The following FKBP6 variants were observed in gnomAD, a reference collection of about 807,000 sequenced individuals.
FKBP6 encodes the protein FKBP prolyl isomerase family member 6 (inactive).
Under a neutral mutation model 41.7 loss-of-function variants are expected in FKBP6, and 29 were observed. The observed-to-expected ratio is 0.70, with a 90% CI of 0.52 to 0.95. The LOEUF (loss-of-function observed/expected upper bound fraction) is 0.95, where lower values mean the gene tolerates loss of function less well. Ranked by LOEUF, FKBP6 falls within the 40% of genes least tolerant of loss-of-function variation. FKBP6 has a pLI of 0.00. For missense variants in FKBP6, 338 were observed against 408.7 expected (o/e 0.83, Z 1.49); for synonymous variants, 130 against 165.1 (o/e 0.79, Z 1.63).
chr7:73,330,178 C>T lies in FKBP6; in HGVS notation c.294C>T (p.Gly98=). 6.2e-7 allele frequency: 1 copy of T among 1,613,858 alleles called. No homozygotes were observed. Among genetic ancestry groups the T allele is most frequent in the East Asian group, 2.2e-5 (1 of 44,888 alleles). ...EDITLWGMEL[G]LLSMRRGELA... ...TTACACTGTGGGGCATGGAGCTGGG[C>T]CTTCTGAGCATGCGGAGAGGAGAGC... The change falls in exon 4 of 9, where the codon GGC becomes GGT. Residue 98 remains glycine (G), a synonymous_variant. Transcript: ENST00000252037.
At chr7:73,351,903 T>C (rs1000207468) in intron 8 of FKBP6, among the ~76,000 whole-genome samples, 3 of 152,246 alleles carry the variant, frequency 2.0e-5, no homozygotes, top group Non-Finnish European at 4.4e-5. Flanking sequence ...CATCTCTTGC[T>C]ATGACATTAG....
At chr7:73,345,671 C>T (rs1479990669) in intron 8 of FKBP6, among the ~76,000 whole-genome samples, 1 of 152,184 alleles carries the variant, frequency 6.6e-6, no homozygotes, top group South Asian at 2.1e-4. Flanking sequence ...GGTTAACATA[C>T]AACAGGTGAA....
At chr7:73,328,753 AG>A in intron 2 of FKBP6, 61 bp downstream of exon 2, 1 of 1,611,510 alleles carries the variant, frequency 6.2e-7, no homozygotes. Context: ...GGGAAGAGAG[AG>A]GCCTCATTTT....
At chr7:73,328,841 C>A in intron 2 of FKBP6, 149 bp downstream of exon 2, 1 of 1,399,582 alleles carries the variant, frequency 7.1e-7, no homozygotes, top group Non-Finnish European at 1.0e-6. Flanking sequence ...CGGGGTCTTG[C>A]TCAGTTGCCC....
At chr7:73,328,939 G>A (rs1554546947) in intron 2 of FKBP6, among the ~76,000 whole-genome samples, 1 of 151,908 alleles carries the variant, frequency 6.6e-6, no homozygotes, top group African/African-American at 2.4e-5. Context: ...CCCAAATAAG[G>A]GATTTACAGG....
chr7:73,335,856 G>C (rs1804991133), intron 5 of FKBP6, among the ~76,000 whole-genome samples: 1 of 152,148 alleles, frequency 6.6e-6, no homozygotes. Context: ...TAGTCCCTTA[G>C]GGTTGGAGAA....
chr7:73,351,384 T>C (rs536558878), intron 8 of FKBP6, among the ~76,000 whole-genome samples: 21 of 152,236 alleles, frequency 1.4e-4, no homozygotes, highest in Admixed American at 5.9e-4. Context: ...CTTTTTTTTT[T>C]CCCCTCCTCT....
intron 8 of FKBP6, among the ~76,000 whole-genome samples, chr7:73,354,080 T>C (rs1583826741): frequency 6.6e-6 from 1 of 152,158 alleles, no homozygotes; most frequent in Non-Finnish European, 1.5e-5. Context: ...TGGCAGCTGG[T>C]GGTGGTGAGC....
intron 8 of FKBP6, among the ~76,000 whole-genome samples, chr7:73,354,860 G>A (rs957437804): frequency 6.6e-6 from 1 of 152,190 alleles, no homozygotes; most frequent in Admixed American, 6.5e-5. Context: ...ACAGGGAAGT[G>A]CTTGAGGCTG....
At chr7:73,333,215 G>A in intron 5 of FKBP6, among the ~76,000 whole-genome samples, 1 of 151,214 alleles carries the variant, frequency 6.6e-6, no homozygotes, top group East Asian at 1.9e-4. Flanking sequence ...AGGTTGCAAT[G>A]AGCCAAGATC....
intron 6 of FKBP6, 85 bp downstream of exon 6, chr7:73,340,917 C>CTTTTTTT (rs368227645): frequency 6.2e-6 from 3 of 482,520 alleles, no homozygotes; most frequent in Middle Eastern, 6.0e-4. Flanking sequence ...AAAATGCTGT[C>CTTTTTTT]TTTTTTTTTT....
chr7:73,331,874 TG>T, intron 5 of FKBP6, 98 bp downstream of exon 5: 1 of 1,342,680 alleles, frequency 7.4e-7, no homozygotes, highest in Non-Finnish European at 1.1e-6. Flanking sequence ...TGTTTTGTTT[TG>T]TTTTTGAGAC....
At chr7:73,351,694 C>T (rs976169415) in intron 8 of FKBP6, among the ~76,000 whole-genome samples, 4 of 152,132 alleles carry the variant, frequency 2.6e-5, no homozygotes, top group African/African-American at 9.7e-5. Flanking sequence ...TCTTGGCAGC[C>T]GTAATAGGCC....
chr7:73,336,891 C>T (rs1382566681), intron 5 of FKBP6: 16 of 444,348 alleles, frequency 3.6e-5, no homozygotes, highest in East Asian at 1.4e-4. Context: ...GACTTGATGA[C>T]GTTGTATATG....
chr7:73,339,934 A>G (rs1419319436), intron 5 of FKBP6, among the ~76,000 whole-genome samples: 2 of 152,152 alleles, frequency 1.3e-5, no homozygotes, highest in African/African-American at 4.8e-5. Context: ...TATCTAATCA[A>G]CTTGTCTGTG....
chr7:73,348,007 T>C (rs1805381352), intron 8 of FKBP6, among the ~76,000 whole-genome samples: 6 of 152,196 alleles, frequency 3.9e-5, no homozygotes, highest in Admixed American at 3.9e-4. Flanking sequence ...TCCCTGTTGC[T>C]CAAGTCCTTT....
intron 5 of FKBP6, among the ~76,000 whole-genome samples, chr7:73,339,677 G>A (rs1037155000): frequency 6.8e-6 from 1 of 146,110 alleles, no homozygotes. Context: ...GCAGTGGTGT[G>A]GTCTCGGTTC....
chr7:73,333,026 C>T (rs1210166006), intron 5 of FKBP6, among the ~76,000 whole-genome samples: 4 of 152,120 alleles, frequency 2.6e-5, no homozygotes, highest in African/African-American at 9.7e-5. Flanking sequence ...AATCCCAGCA[C>T]TTTGGGAGGC....
intron 2 of FKBP6, among the ~76,000 whole-genome samples, chr7:73,329,112 GTTTT>G (rs1554547003): frequency 6.6e-6 from 1 of 152,192 alleles, no homozygotes; most frequent in South Asian, 2.1e-4. Context: ...GCCTGAATTA[GTTTT>G]TTTAAGACGA....
Sources: gnomAD v4.1 joint callset for allele counts (sites outside exome capture counted in the v4.1 genomes callset) on GRCh38, gnomAD v4.1.1 for gene constraint, MANE v1.5 for transcripts, NCBI Gene and HGNC (gene_info 2026-07-23, HGNC 2026-07-21) for gene names.